The following IQCH variants were observed in gnomAD, a reference collection of about 807,000 sequenced individuals.
The protein encoded by IQCH is IQ domain-containing protein H.
In IQCH, 98 loss-of-function variants were observed where a neutral mutation model predicts 117.0. The ratio of observed to expected loss-of-function variants is 0.84; its 90% CI spans 0.71 to 0.99. The LOEUF is 0.99. Ranked by LOEUF, IQCH falls within the 50% of genes least tolerant of loss-of-function variation. The pLI is 0.00. For missense variants in IQCH, 1,102 were observed against 1,243.8 expected (o/e 0.89, Z 1.72); for synonymous variants, 412 against 448.2 (o/e 0.92, Z 1.02).
At chr15:67,333,639 G>A (rs1275261690) in intron 4 of IQCH, among the ~76,000 whole-genome samples, 1 of 152,134 alleles carries the variant, frequency 6.6e-6, no homozygotes, top group East Asian at 1.9e-4. Flanking sequence ...TAATAAAATA[G>A]AATGGTTTTT....
intron 16 of IQCH, among the ~76,000 whole-genome samples, chr15:67,438,993 G>A (rs1421601044): frequency 2.0e-5 from 3 of 152,164 alleles, no homozygotes; most frequent in African/African-American, 7.2e-5. Flanking sequence ...CCACTGGACA[G>A]GTCATCAAGA....
chr15:67,261,601 G>A (rs1965464625), intron 2 of IQCH, among the ~76,000 whole-genome samples: 1 of 152,110 alleles, frequency 6.6e-6, no homozygotes, highest in Non-Finnish European at 1.5e-5. Flanking sequence ...ATTTAAGTAG[G>A]TTAAATATAA....
At chr15:67,352,479 TA>T (rs1291102743) in intron 6 of IQCH, among the ~76,000 whole-genome samples, 1 of 151,778 alleles carries the variant, frequency 6.6e-6, no homozygotes, top group Non-Finnish European at 1.5e-5. Flanking sequence ...CAATTTCCAC[TA>T]GTACAAGCCT....
At chr15:67,477,348 CA>C (rs1322181715) in intron 18 of IQCH, among the ~76,000 whole-genome samples, 1 of 151,962 alleles carries the variant, frequency 6.6e-6, no homozygotes, top group Non-Finnish European at 1.5e-5. Flanking sequence ...CGCCCAGCCC[CA>C]AATTTTATAC....
chr15:67,346,427 A>T (rs780465138), intron 6 of IQCH, among the ~76,000 whole-genome samples: 5 of 152,114 alleles, frequency 3.3e-5, no homozygotes, highest in Non-Finnish European at 5.9e-5. Context: ...TAGTTTCAGG[A>T]TGGAACTGTT....
intron 6 of IQCH, among the ~76,000 whole-genome samples, chr15:67,348,061 C>A (rs1031065340): frequency 7.3e-5 from 11 of 151,698 alleles, no homozygotes; most frequent in African/African-American, 1.9e-4. Flanking sequence ...TAAAAAAAAT[C>A]AACATCCATT....
Position 67,372,403 on chromosome 15 carries a change from C to T in IQCH, c.1046C>T (p.Pro349Leu). The change falls in exon 9 of 21, where the codon CCA becomes CTA. Residue 349 changes from proline to leucine, a missense_variant. Around this residue, in one of 2 missense-constraint regions of IQCH, gnomAD observed 452 missense variants for 449.6 expected, o/e 1.01. Coordinates refer to ENST00000335894, the MANE Select transcript of IQCH (RefSeq NM_001031715.3). ...RYDLLSVLED[P>L]AHVQMLINLP... ...GACCTTCTCTCAGTGTTAGAGGACC[C>T]AGCTCATGTCCAAATGCTGATAAAT... is the stretch of plus-strand genomic sequence containing the variant. 1.2e-6 allele frequency: 2 copies of T among 1,614,122 alleles called. No homozygotes were observed. The highest frequency in any genetic ancestry group is 1.7e-6 in the Non-Finnish European group (2 of 1,179,998).
chr15:67,411,186 C>T lies in IQCH; in HGVS notation c.2098-5745C>T, dbSNP rs1454238890. On this transcript the variant is annotated intron_variant, in intron 14 of 20. Coordinates refer to ENST00000335894, the MANE Select transcript of IQCH (RefSeq NM_001031715.3). This position sits in a 1 kb window ranked among gnomAD's most constrained non-coding sequence, Gnocchi z 4.4. The stretch of plus-strand genomic sequence containing the variant: ...TTTGGAACCCCTCCCTTCTCTCAAT[C>T]TGTACCACTAGCTGATTCAAATCCG... Among the ~76,000 whole-genome samples, 4 of 152,176 alleles carry T rather than the reference C, an allele frequency of 2.6e-5. No homozygotes were observed. The highest frequency in any genetic ancestry group is 9.7e-5 in the African/African-American group (4 of 41,440).
rs773599264 is a variant in IQCH at position 67,372,665 on chromosome 15, G to A, written c.1305+3G>A. On this transcript the variant is annotated splice_donor_region_variant and intron_variant, in intron 9 of 20. Transcript: ENST00000335894. ...AGAATTTTCGCATTCGAGCCAAGGT[G>A]CACAAGGCTGCCAGCTGTTAAGGCA... is the stretch of plus-strand genomic sequence containing the variant. 1.9e-6 allele frequency: 3 copies of A among 1,593,712 alleles called. No individual in the cohort carries two copies. The South Asian group carries it at 3.4e-5, about 18-fold the overall frequency.
At chr15:67,282,858 G>C (rs1596094913) in intron 4 of IQCH, among the ~76,000 whole-genome samples, 1 of 152,062 alleles carries the variant, frequency 6.6e-6, no homozygotes, top group African/African-American at 2.4e-5. Context: ...GTTAGGAGTT[G>C]CTCAATTGTA....
chr15:67,472,537 G>T lies in IQCH; in HGVS notation c.2677-3159G>T, dbSNP rs1348695662. Among the ~76,000 whole-genome samples the T allele has an allele frequency of 1.3e-5, 2 of 152,200 alleles. No individual in the cohort carries two copies. The highest frequency in any genetic ancestry group is 1.3e-4 in the Admixed American group (2 of 15,280). Reference sequence around the variant, plus strand: ...AGCCTGGGAAGTTACATTTATTGTAGATCCAAAATCCTTTCAAAGGAATGA... The same window carrying T: ...AGCCTGGGAAGTTACATTTATTGTATATCCAAAATCCTTTCAAAGGAATGA... On this transcript the variant is annotated intron_variant, in intron 17 of 20. Transcript: ENST00000335894. This position sits in a 1 kb window ranked among gnomAD's most constrained non-coding sequence, Gnocchi z 4.3.
At chr15:67,389,624 G>A (rs1596300576) in intron 12 of IQCH, among the ~76,000 whole-genome samples, 3 of 151,306 alleles carry the variant, frequency 2.0e-5, no homozygotes, top group Non-Finnish European at 3.0e-5. Context: ...GGCTTAAAAC[G>A]AATTTCCCTA....
At position 67,385,563 on chromosome 15, in the gene IQCH, G is replaced by A. The variant is rs1971082706; in HGVS notation, c.1456+544G>A. Among the ~76,000 whole-genome samples, 1 of 152,162 alleles carries A rather than the reference G, an allele frequency of 6.6e-6. No homozygotes were observed. The highest frequency in any genetic ancestry group is 6.5e-5 in the Admixed American group (1 of 15,268). On this transcript the variant is annotated intron_variant, in intron 11 of 20. Transcript: ENST00000335894. This position sits in a 1 kb window ranked among gnomAD's most constrained non-coding sequence, Gnocchi z 4.6. ...GAAATACAGACCTTGATTCAGTGAT[G>A]TATACATCTTTGTAAAAGTCAGGTT...
rs1567194046 is a variant in IQCH at position 67,443,537 on chromosome 15, T to G, written c.2506-21590T>G. On this transcript the variant is annotated intron_variant, in intron 16 of 20. Coordinates refer to ENST00000335894, the MANE Select transcript of IQCH (RefSeq NM_001031715.3). The surrounding 1 kb of genome is among the most constrained non-coding windows in gnomAD (Gnocchi z 5.0). ...AAATCACCACAAAAGAACTTACTCA[T>G]GTAACCAAATACCACCTGTACCCCA... Among the ~76,000 whole-genome samples, 1 of 152,146 alleles carries G rather than the reference T, an allele frequency of 6.6e-6. No individual in the cohort carries two copies. The highest frequency in any genetic ancestry group is 1.5e-5 in the Non-Finnish European group (1 of 68,022).
At position 67,384,692 on chromosome 15, in the gene IQCH, T is replaced by C. The variant is rs1434020388; in HGVS notation, c.1373-244T>C. Among the ~76,000 whole-genome samples, 3 of 152,062 alleles carry C rather than the reference T, an allele frequency of 2.0e-5. No individual in the cohort carries two copies. The highest frequency in any genetic ancestry group is 4.4e-5 in the Non-Finnish European group (3 of 67,992). On this transcript the variant is annotated intron_variant, in intron 10 of 20. Coordinates refer to ENST00000335894, the MANE Select transcript of IQCH (RefSeq NM_001031715.3). The surrounding 1 kb of genome is among the most constrained non-coding windows in gnomAD (Gnocchi z 4.3). ...TTGTCATCTTGATTCTTAGCAGCCT[T>C]GTTGGTACTGAAAAATGTGAACCCC...
rs185000066 is a variant in IQCH, at chr15:67,482,418, A to G, written c.2799+6600A>G. ...ATTTTGTTTTTTTTCTTTATAGTTC[A>G]TGGCTTTTCAGATCAAGAGAGCCAG... On this transcript the variant is annotated intron_variant, in intron 18 of 20. Coordinates refer to ENST00000335894, the MANE Select transcript of IQCH (RefSeq NM_001031715.3). Among the ~76,000 whole-genome samples, 11 of 152,274 alleles carry G rather than the reference A, an allele frequency of 7.2e-5. No individual in the cohort carries two copies. In the East Asian group the frequency reaches 1.9e-3, roughly 27 times the overall value.
chr15:67,259,927 A>G (rs1438766109), intron 1 of IQCH, among the ~76,000 whole-genome samples: 1 of 152,256 alleles, frequency 6.6e-6, no homozygotes, highest in African/African-American at 2.4e-5. Flanking sequence ...TGTGAAGAGT[A>G]CAAATGACCA....
intron 15 of IQCH, among the ~76,000 whole-genome samples, chr15:67,420,655 T>C (rs2081712892): frequency 6.6e-6 from 1 of 152,226 alleles, no homozygotes; most frequent in Non-Finnish European, 1.5e-5. Context: ...TCTATGATTT[T>C]TGGCATTCAA....
chr15:67,374,455 CAT>C (rs1483632628), intron 10 of IQCH, among the ~76,000 whole-genome samples: 4 of 151,998 alleles, frequency 2.6e-5, no homozygotes, highest in East Asian at 1.9e-4. Flanking sequence ...AGTGTAGAAA[CAT>C]AACACATTTA....
Sources: allele counts gnomAD v4.1 joint callset (sites outside exome capture counted in the v4.1 genomes callset), GRCh38; gene constraint gnomAD v4.1.1; regional missense constraint gnomAD v4.1.1; non-coding constraint Gnocchi (gnomAD v3.1); transcripts MANE v1.5; gene names NCBI Gene and HGNC (gene_info 2026-07-23, HGNC 2026-07-21).